RALYL: variants seen among roughly 807,000 people sequenced by gnomAD.
RALYL encodes the protein RALY RNA binding protein like.
RALYL carries 29 observed loss-of-function variants against 35.1 expected under a neutral mutation model. The ratio of observed to expected loss-of-function variants is 0.83; its 90% CI spans 0.61 to 1.13. The LOEUF (loss-of-function observed/expected upper bound fraction) is 1.13. Among genes scored for constraint, RALYL ranks in the 50% most tolerant of loss-of-function variants. The probability of loss-of-function intolerance (pLI) is 0.00; values close to 1 mark genes in which losing one functional copy is unlikely to be tolerated. For missense variants in RALYL, 359 were observed against 360.4 expected, an observed-to-expected ratio of 1.00 and a Z score of 0.03; for synonymous variants, 120 against 127.6, an observed-to-expected ratio of 0.94 and a Z score of 0.40.
chr8:84,741,195 G>A (rs1032411946), intron 2 of RALYL, among the ~76,000 whole-genome samples: 3 of 151,924 alleles, frequency 2.0e-5, no homozygotes, highest in Admixed American at 1.3e-4. Context: ...AAAGAACATC[G>A]TGTCTCTTGG....
intron 1 of RALYL, among the ~76,000 whole-genome samples, chr8:84,333,609 A>G (rs1380207712): frequency 1.3e-5 from 2 of 152,130 alleles, no homozygotes; most frequent in African/African-American, 2.4e-5. Flanking sequence ...CTTCTAATAC[A>G]GGTGACTTGG....
chr8:84,668,017 T>C (rs77717305), intron 2 of RALYL, among the ~76,000 whole-genome samples: 2 of 152,256 alleles, frequency 1.3e-5, no homozygotes, highest in African/African-American at 4.8e-5. Flanking sequence ...TTTTCCTTAC[T>C]ATTTTTAATC....
intron 1 of RALYL, among the ~76,000 whole-genome samples, chr8:84,360,115 C>T (rs777698527): frequency 7.2e-5 from 11 of 152,112 alleles, no homozygotes; most frequent in African/African-American, 1.4e-4. Flanking sequence ...TTAAGTCATC[C>T]GCCCACATTG....
At chr8:84,327,639 G>A (rs1846049704) in intron 1 of RALYL, among the ~76,000 whole-genome samples, 2 of 151,568 alleles carry the variant, frequency 1.3e-5, no homozygotes, top group African/African-American at 4.9e-5. Flanking sequence ...GAGGTGGTAT[G>A]ACCCACAAAG....
chr8:84,497,544 A>G (rs752928468), intron 1 of RALYL, among the ~76,000 whole-genome samples: 24 of 151,994 alleles, frequency 1.6e-4, no homozygotes, highest in Non-Finnish European at 2.8e-4. Flanking sequence ...GGATAGTATC[A>G]TATAAGTTAT....
intron 1 of RALYL, among the ~76,000 whole-genome samples, chr8:84,356,799 C>T (rs1026925045): frequency 1.3e-5 from 2 of 150,206 alleles, no homozygotes; most frequent in African/African-American, 5.0e-5. Context: ...AAATGTTATG[C>T]TCTCTTTGTC....
At chr8:84,526,165 G>C (rs1374336416) in intron 1 of RALYL, among the ~76,000 whole-genome samples, 1 of 151,828 alleles carries the variant, frequency 6.6e-6, no homozygotes, top group Non-Finnish European at 1.5e-5. Flanking sequence ...ATGTTGGCCA[G>C]GCTAGTCTCA....
chr8:84,208,113 T>C (rs1818516340), intron 1 of RALYL, among the ~76,000 whole-genome samples: 1 of 152,096 alleles, frequency 6.6e-6, no homozygotes, highest in Non-Finnish European at 1.5e-5. Flanking sequence ...TCATGGGCTG[T>C]TTGGTACACA....
At chr8:84,513,498 G>A (rs543345665) in intron 1 of RALYL, among the ~76,000 whole-genome samples, 3 of 151,966 alleles carry the variant, frequency 2.0e-5, no homozygotes, top group Non-Finnish European at 4.4e-5. Context: ...CCTCTGGTAA[G>A]CACATTCAAT....
chr8:84,346,219 A>G, intron 1 of RALYL: 1 of 261,848 alleles, frequency 3.8e-6, no homozygotes, highest in Non-Finnish European at 5.9e-6. Context: ...AAGCAAATTG[A>G]TAACCAACAT....
chr8:84,190,520 C>T (rs1022679962), intron 1 of RALYL, among the ~76,000 whole-genome samples: 1 of 152,128 alleles, frequency 6.6e-6, no homozygotes, highest in African/African-American at 2.4e-5. Flanking sequence ...TAAGTCCTCA[C>T]GTTCATAAAA....
At chr8:84,366,178 A>G (rs2131341207) in intron 1 of RALYL, among the ~76,000 whole-genome samples, 1 of 152,268 alleles carries the variant, frequency 6.6e-6, no homozygotes, top group Non-Finnish European at 1.5e-5. Flanking sequence ...CTCTAATAAA[A>G]ACATGTAAGA....
chr8:84,805,941 A>T (rs1184391278), intron 4 of RALYL, among the ~76,000 whole-genome samples: 1 of 152,216 alleles, frequency 6.6e-6, no homozygotes, highest in Non-Finnish European at 1.5e-5. Flanking sequence ...ATGAGGGAAA[A>T]AAAGCTGTCA....
intron 1 of RALYL, among the ~76,000 whole-genome samples, chr8:84,222,309 T>G (rs1279839807): frequency 6.6e-6 from 1 of 152,188 alleles, no homozygotes; most frequent in African/African-American, 2.4e-5. Context: ...ACCTGTCACA[T>G]TCAATTTTCT....
chr8:84,842,289 A>G (rs1474362229), intron 4 of RALYL, among the ~76,000 whole-genome samples: 1 of 152,226 alleles, frequency 6.6e-6, no homozygotes, highest in Non-Finnish European at 1.5e-5. Context: ...AGGGGATATC[A>G]CCAGTGATCC....
At chr8:84,381,014 GTCAGCAAAAAGAGGACCCCA>G (rs1857885810) in intron 1 of RALYL, among the ~76,000 whole-genome samples, 1 of 151,770 alleles carries the variant, frequency 6.6e-6, no homozygotes, top group Admixed American at 6.6e-5. Flanking sequence ...ATGAGACCAA[GTCAGCAAAAAGAGGACCCCA>G]AACATTTATC....
intron 2 of RALYL, among the ~76,000 whole-genome samples, chr8:84,728,871 A>C (rs1367418464): frequency 2.6e-5 from 4 of 152,160 alleles, no homozygotes; most frequent in Non-Finnish European, 2.9e-5. Flanking sequence ...TGTTTTGGTT[A>C]CTGTAGCCTT....
intron 1 of RALYL, among the ~76,000 whole-genome samples, chr8:84,378,910 A>T (rs1046617820): frequency 2.6e-5 from 4 of 151,892 alleles, no homozygotes; most frequent in African/African-American, 9.7e-5. Context: ...CAGGTGTTCT[A>T]GTTCCGTATT....
intron 8 of RALYL, among the ~76,000 whole-genome samples, chr8:84,895,393 A>T (rs3924975): frequency 0.46 from 69,536 of 150,972 alleles, 18,931 homozygotes; most frequent in African/African-American, 0.75. Flanking sequence ...GTCTTTTATG[A>T]TGTAGAGCAT....
Sources: gnomAD v4.1 joint callset for allele counts (sites outside exome capture counted in the v4.1 genomes callset) on GRCh38, gnomAD v4.1.1 for gene constraint, MANE v1.5 for transcripts, NCBI Gene and HGNC (gene_info 2026-07-23, HGNC 2026-07-21) for gene names.